Variants in WDFY3 observed in about 807,000 individuals in gnomAD.
WDFY3 encodes the protein WD repeat and FYVE domain containing 3.
WDFY3 carries 66 observed loss-of-function variants against 409.6 expected under a neutral mutation model. The ratio of observed to expected loss-of-function variants is 0.16; its 90% CI spans 0.13 to 0.20. The LOEUF (loss-of-function observed/expected upper bound fraction) is 0.20, where lower values mean the gene tolerates loss of function less well. Ranked by LOEUF, WDFY3 falls within the 10% of genes least tolerant of loss-of-function variation. The probability of loss-of-function intolerance (pLI) is 1.00; values close to 1 mark genes in which losing one functional copy is unlikely to be tolerated. For synonymous variants in WDFY3, 1,521 were observed against 1,537.1 expected, an observed-to-expected ratio of 0.99 and a Z score of 0.25; for missense variants, 3,031 against 4,298.1, an observed-to-expected ratio of 0.71 and a Z score of 8.24.
intron 43 of WDFY3, among the ~76,000 whole-genome samples, chr4:84,733,872 A>T (rs1452150631): frequency 6.6e-6 from 1 of 152,196 alleles, no homozygotes; most frequent in East Asian, 1.9e-4. Flanking sequence ...AGTTGAAAGA[A>T]GTTTGTTTCT....
intron 1 of WDFY3, among the ~76,000 whole-genome samples, chr4:84,937,129 A>G (rs1372134987): frequency 2.0e-5 from 3 of 152,116 alleles, no homozygotes; most frequent in African/African-American, 7.2e-5. Context: ...CTTCCATTCA[A>G]ATTTAACACA....
intron 61 of WDFY3, 151 bp downstream of exon 61, chr4:84,690,355 C>T (rs1729048148): frequency 1.3e-5 from 14 of 1,105,382 alleles, no homozygotes; most frequent in Middle Eastern, 3.0e-4. Context: ...CTTTTTTTTT[C>T]AAAAAAGTAT....
intron 2 of WDFY3, among the ~76,000 whole-genome samples, chr4:84,904,485 A>G (rs1024749408): frequency 5.9e-5 from 9 of 152,234 alleles, no homozygotes; most frequent in African/African-American, 1.9e-4. Context: ...AATGGTAGAC[A>G]TGGTAGAGAT....
At chr4:84,689,751 T>A (rs1337012417) in intron 61 of WDFY3, among the ~76,000 whole-genome samples, 1 of 152,226 alleles carries the variant, frequency 6.6e-6, no homozygotes, top group African/African-American at 2.4e-5. Context: ...ATGGGGCTAA[T>A]AACTACCTTG....
intron 3 of WDFY3, chr4:84,886,462 G>T (rs1386224619): frequency 6.6e-6 from 1 of 151,764 alleles, no homozygotes; most frequent in South Asian, 2.1e-4. Flanking sequence ...TGCTGCGAAT[G>T]TGAGCACAAT....
At chr4:84,924,274 C>T (rs769123907) in intron 2 of WDFY3, among the ~76,000 whole-genome samples, 2 of 152,206 alleles carry the variant, frequency 1.3e-5, no homozygotes, top group Non-Finnish European at 2.9e-5. Context: ...ACTATCATTG[C>T]AGAGGTTTCT....
chr4:84,910,933 T>G (rs1416391690), intron 2 of WDFY3, among the ~76,000 whole-genome samples: 5 of 151,804 alleles, frequency 3.3e-5, no homozygotes, highest in Non-Finnish European at 7.4e-5. Flanking sequence ...TTGGCCAGAC[T>G]GGTCTCAAAC....
intron 3 of WDFY3, among the ~76,000 whole-genome samples, chr4:84,876,913 T>C (rs986511006): frequency 1.3e-5 from 2 of 152,322 alleles, no homozygotes; most frequent in South Asian, 2.1e-4. Flanking sequence ...ACATTAATCA[T>C]TTGTTCTAAA....
intron 1 of WDFY3, among the ~76,000 whole-genome samples, chr4:84,948,118 T>G (rs1773132372): frequency 3.3e-5 from 5 of 152,226 alleles, no homozygotes; most frequent in Admixed American, 3.3e-4. Flanking sequence ...GTTCTCATTT[T>G]AAGGTCAATT....
chr4:84,896,032 C>T (rs756348850), intron 3 of WDFY3, among the ~76,000 whole-genome samples: 5 of 151,914 alleles, frequency 3.3e-5, no homozygotes, highest in South Asian at 2.1e-4. Flanking sequence ...CCGAGGGGGA[C>T]GGATCACGAG....
chr4:84,785,469 C>A (rs1233165970), intron 24 of WDFY3, among the ~76,000 whole-genome samples: 1 of 152,146 alleles, frequency 6.6e-6, no homozygotes, highest in East Asian at 1.9e-4. Context: ...CTTGAAGCTT[C>A]TCTCTTTCCC....
intron 36 of WDFY3, among the ~76,000 whole-genome samples, chr4:84,747,920 A>AT (rs915263102): frequency 7.2e-5 from 11 of 151,732 alleles, no homozygotes; most frequent in Admixed American, 4.6e-4. Context: ...ATAAAGGAAA[A>AT]TTTTTATAAA....
intron 4 of WDFY3, among the ~76,000 whole-genome samples, chr4:84,850,926 CTGTTTTTTTTTTTTTTTTTTTTTTTTT>C (rs1758860233): frequency 6.2e-5 from 2 of 32,162 alleles, no homozygotes; most frequent in African/African-American, 2.4e-4. Flanking sequence ...TTTTATTTAT[CTGTTTTTTTTTTTTTTTTTTTTTTTTT>C]TTTTTTTTTT....
chr4:84,880,830 G>C (rs569460196), intron 3 of WDFY3, among the ~76,000 whole-genome samples: 1 of 148,984 alleles, frequency 6.7e-6, no homozygotes, highest in African/African-American at 2.5e-5. Context: ...CAATTCTCAT[G>C]CCTCAGCCTC....
chr4:84,847,902 T>C (rs2150088355), intron 5 of WDFY3, among the ~76,000 whole-genome samples: 1 of 150,352 alleles, frequency 6.7e-6, no homozygotes, highest in Non-Finnish European at 1.5e-5. Context: ...AAAAACATTT[T>C]TTAAAATGAG....
chr4:84,878,965 G>A (rs1763136653), intron 3 of WDFY3, among the ~76,000 whole-genome samples: 1 of 152,098 alleles, frequency 6.6e-6, no homozygotes, highest in Non-Finnish European at 1.5e-5. Flanking sequence ...AGGGAATGCC[G>A]ACTTCAGTTT....
chr4:84,680,692 T>A (rs1727206574), intron 64 of WDFY3, among the ~76,000 whole-genome samples: 1 of 152,178 alleles, frequency 6.6e-6, no homozygotes, highest in Non-Finnish European at 1.5e-5. Context: ...TGTCTGCAAA[T>A]GAACATGTGC....
chr4:84,794,157 G>T (rs1748979171), intron 21 of WDFY3, among the ~76,000 whole-genome samples: 1 of 152,196 alleles, frequency 6.6e-6, no homozygotes, highest in Admixed American at 6.5e-5. Flanking sequence ...CTAGCACAGT[G>T]TGGCACATAT....
chr4:84,830,993 C>T (rs1755628568), intron 8 of WDFY3, among the ~76,000 whole-genome samples: 1 of 151,906 alleles, frequency 6.6e-6, no homozygotes, highest in Non-Finnish European at 1.5e-5. Flanking sequence ...TCAAGACCAG[C>T]CTGGCCAAGA....
Sources: gnomAD v4.1 joint callset for allele counts (sites outside exome capture counted in the v4.1 genomes callset) on GRCh38, gnomAD v4.1.1 for gene constraint, MANE v1.5 for transcripts, NCBI Gene and HGNC (gene_info 2026-07-23, HGNC 2026-07-21) for gene names.